The following ZMYM4 variants were observed in gnomAD, a reference collection of about 807,000 sequenced individuals.
ZMYM4 encodes zinc finger MYM-type containing 4, also known as zinc finger MYM-type protein 4.
In ZMYM4, 31 loss-of-function variants were observed where a neutral mutation model predicts 183.2. The ratio of observed to expected loss-of-function variants is 0.17; its 90% confidence interval spans 0.13 to 0.23. The LOEUF (loss-of-function observed/expected upper bound fraction) is 0.23, where lower values mean the gene tolerates loss of function less well. Ranked by LOEUF, ZMYM4 falls within the 10% of genes least tolerant of loss-of-function variation. The pLI, the probability that ZMYM4 is intolerant of heterozygous loss-of-function variation, is 1.00. For synonymous variants in ZMYM4, 592 were observed against 631.2 expected (o/e 0.94, Z 0.93); for missense variants, 1,273 against 1,840.3 (o/e 0.69, Z 5.64).
chr1:35,390,183 AGTT>A, intron 15 of ZMYM4, 85 bp downstream of exon 15: 1 of 1,382,716 alleles, frequency 7.2e-7, no homozygotes, highest in Non-Finnish European at 9.6e-7. Context: ...CTGTGTAAAC[AGTT>A]GTCATTAATT....
At chr1:35,407,812 C>T (rs530581199) in intron 25 of ZMYM4, among the ~76,000 whole-genome samples, 196 bp from the exon 26 acceptor site, 3 of 152,310 alleles carry the variant, frequency 2.0e-5, no homozygotes, top group East Asian at 1.9e-4. Context: ...TATCATAGCA[C>T]GTATTGCACC....
intron 26 of ZMYM4, among the ~76,000 whole-genome samples, chr1:35,409,633 G>A (rs1639788184): frequency 6.6e-6 from 1 of 151,980 alleles, no homozygotes; most frequent in African/African-American, 2.4e-5. Context: ...GAGTACCTGA[G>A]GCTGGGTAAT....
At chr1:35,360,368 A>G (rs1363904185) in intron 3 of ZMYM4, among the ~76,000 whole-genome samples, 1 of 152,034 alleles carries the variant, frequency 6.6e-6, no homozygotes, top group Non-Finnish European at 1.5e-5. Flanking sequence ...TAATTCTTCA[A>G]TAAATGTTCA....
chr1:35,337,770 C>G (rs1643036299), intron 2 of ZMYM4, among the ~76,000 whole-genome samples: 1 of 151,900 alleles, frequency 6.6e-6, no homozygotes, highest in Admixed American at 6.6e-5. Context: ...GAAACCCCAT[C>G]TCTACTAAAA....
At position 35,290,215 on chromosome 1, in the gene ZMYM4, G is replaced by A. The variant is rs538257205; in HGVS notation, c.39+21130G>A. ...ACTCCTGACCTCAAGTGATCCACCC[G>A]CCTTGGCCTCCCAAAATGCTGGGAT... On this transcript the variant is annotated intron_variant, in intron 1 of 29. Transcript: ENST00000314607. Among the ~76,000 whole-genome samples, 18 of 152,230 alleles carry A rather than the reference G, an allele frequency of 1.2e-4. No individual in the cohort carries two copies. The East Asian group carries it at 2.3e-3, about 20-fold the overall frequency.
chr1:35,398,564 A>T, intron 21 of ZMYM4, 98 bp downstream of exon 21: 1 of 1,136,562 alleles, frequency 8.8e-7, no homozygotes. Context: ...TTGTAATTTT[A>T]ACTATTTGTA....
chr1:35,341,254 A>T (rs1643190076), intron 2 of ZMYM4, among the ~76,000 whole-genome samples: 1 of 152,116 alleles, frequency 6.6e-6, no homozygotes, highest in African/African-American at 2.4e-5. Context: ...ACTAAATTTT[A>T]ACATGATTTT....
chr1:35,392,760 T>C, intron 17 of ZMYM4, 76 bp downstream of exon 17: 1 of 1,073,474 alleles, frequency 9.3e-7, no homozygotes, highest in Non-Finnish European at 1.3e-6. Context: ...ATGTGTGAAC[T>C]AATTTGCCCT....
At chr1:35,326,747 A>C (rs1298884542) in intron 2 of ZMYM4, among the ~76,000 whole-genome samples, 1 of 152,174 alleles carries the variant, frequency 6.6e-6, no homozygotes, top group Non-Finnish European at 1.5e-5. Context: ...AATTAACCTA[A>C]TGTGCACATC....
Position 35,393,015 on chromosome 1 carries a change from C to T in ZMYM4, c.2766+331C>T, listed in dbSNP as rs150740176. ...TAAATAAAATGTTTATACAATGTAG[C>T]TTATCCTCCCTCTGACCCATTACAG... On this transcript the variant is annotated intron_variant, in intron 17 of 29. Coordinates refer to ENST00000314607, the MANE Select transcript of ZMYM4 (RefSeq NM_005095.3). Among the ~76,000 whole-genome samples the T allele has an allele frequency of 7.2e-5, 11 of 152,238 alleles. No individual in the cohort carries two copies. In the East Asian group the frequency reaches 1.9e-3, roughly 27 times the overall value.
intron 5 of ZMYM4, among the ~76,000 whole-genome samples, chr1:35,369,762 A>G (rs1049376582): frequency 5.9e-5 from 9 of 152,088 alleles, no homozygotes; most frequent in Admixed American, 3.9e-4. Context: ...TAAAAATAAA[A>G]TTAAAGATTT....
intron 2 of ZMYM4, among the ~76,000 whole-genome samples, chr1:35,327,869 C>T (rs1642570843): frequency 6.6e-6 from 1 of 152,090 alleles, no homozygotes; most frequent in Admixed American, 6.6e-5. Flanking sequence ...ATGATTGGGC[C>T]AGCTTGAATC....
intron 2 of ZMYM4, among the ~76,000 whole-genome samples, chr1:35,350,191 C>T (rs1452909026): frequency 2.0e-5 from 3 of 147,530 alleles, no homozygotes; most frequent in Non-Finnish European, 4.5e-5. Flanking sequence ...TCTGAAACTC[C>T]TGGGCTCAAG....
intron 9 of ZMYM4, among the ~76,000 whole-genome samples, chr1:35,382,696 C>T (rs750980733): frequency 8.0e-4 from 121 of 152,176 alleles, no homozygotes; most frequent in Middle Eastern, 6.8e-3. Flanking sequence ...CCACCTGCCT[C>T]GGCCTCCCAA....
At chr1:35,402,139 C>A (rs1392190590) in intron 23 of ZMYM4, among the ~76,000 whole-genome samples, 1 of 142,410 alleles carries the variant, frequency 7.0e-6, no homozygotes, top group African/African-American at 2.6e-5. Flanking sequence ...AAAAAAAAGG[C>A]TGCTAGAATT....
chr1:35,359,915 C>A (rs892990449), intron 3 of ZMYM4, among the ~76,000 whole-genome samples: 4 of 150,514 alleles, frequency 2.7e-5, no homozygotes, highest in African/African-American at 9.9e-5. Flanking sequence ...ATAAAAAAAA[C>A]CCAAACATTT....
rs528319865 is a variant in ZMYM4 at position 35,360,992 on chromosome 1, A to T, written c.608-202A>T. Among the ~76,000 whole-genome samples the T allele has an allele frequency of 4.0e-5, 6 of 151,348 alleles. No individual in the cohort carries two copies. In the South Asian group the frequency reaches 1.3e-3, roughly 32 times the overall value. ...TTGAGCAAGGAAAAAATGTAGGGTA[A>T]GGCTAAAAGCTAGGTGGGGCCAGAT... On this transcript the variant is annotated intron_variant, in intron 3 of 29. Coordinates refer to ENST00000314607, the MANE Select transcript of ZMYM4 (RefSeq NM_005095.3).
At chr1:35,369,240 TA>T (rs1294510791) in intron 5 of ZMYM4, among the ~76,000 whole-genome samples, 1 of 152,236 alleles carries the variant, frequency 6.6e-6, no homozygotes, top group African/African-American at 2.4e-5. Flanking sequence ...GTAATGATTT[TA>T]GAATGCAATT....
intron 1 of ZMYM4, among the ~76,000 whole-genome samples, chr1:35,321,212 G>A (rs1251483665): frequency 6.6e-6 from 1 of 152,178 alleles, no homozygotes; most frequent in East Asian, 1.9e-4. Context: ...CAGTCACATT[G>A]GTCGTAGTAT....
Sources: allele counts gnomAD v4.1 joint callset (sites outside exome capture counted in the v4.1 genomes callset), GRCh38; gene constraint gnomAD v4.1.1; transcripts MANE v1.5; gene names NCBI Gene and HGNC (gene_info 2026-07-23, HGNC 2026-07-21).